Variants in YAE1 observed in about 807,000 individuals in gnomAD.
YAE1 encodes YAE1 maturation factor of ABCE1, also known as protein YAE1 homolog.
A neutral mutation model predicts 23.0 loss-of-function variants in YAE1; 22 were observed. The observed-to-expected ratio is 0.96, with a 90% CI of 0.68 to 1.37. YAE1 has a LOEUF of 1.37. YAE1 is among the 40% of genes most tolerant of loss of function. The pLI is 0.00. For missense variants in YAE1, 260 were observed against 262.1 expected, an observed-to-expected ratio of 0.99 and a Z score of 0.06; for synonymous variants, 101 against 97.0, an observed-to-expected ratio of 1.04 and a Z score of -0.24.
intron 2 of YAE1, chr7:39,609,587 C>A (rs1225053604): frequency 2.0e-6 from 3 of 1,521,768 alleles, no homozygotes; most frequent in Non-Finnish European, 2.6e-6. Flanking sequence ...AGAGCCAAAT[C>A]TCTGTCTATC....
chr7:39,608,493 CAA>C (rs1791161161), intron 2 of YAE1, among the ~76,000 whole-genome samples: 1 of 152,070 alleles, frequency 6.6e-6, no homozygotes, highest in East Asian at 1.9e-4. Context: ...GGGTAGAAAA[CAA>C]AGAGAGGAAG....
intron 2 of YAE1, among the ~76,000 whole-genome samples, chr7:39,588,980 A>C (rs1790862024): frequency 6.6e-6 from 1 of 151,478 alleles, no homozygotes; most frequent in Non-Finnish European, 1.5e-5. Flanking sequence ...GCATTACCAC[A>C]CCCGGATTAT....
intron 2 of YAE1, among the ~76,000 whole-genome samples, chr7:39,602,209 G>A (rs937789000): frequency 2.0e-5 from 3 of 152,200 alleles, no homozygotes; most frequent in African/African-American, 7.2e-5. Flanking sequence ...GGTTAGAGAT[G>A]CATTATTAAA....
intron 2 of YAE1, among the ~76,000 whole-genome samples, chr7:39,597,257 C>T (rs933045178): frequency 1.3e-5 from 2 of 152,174 alleles, no homozygotes; most frequent in African/African-American, 2.4e-5. Context: ...CTCTCAGAGT[C>T]TTGTGACTGA....
intron 2 of YAE1, among the ~76,000 whole-genome samples, chr7:39,580,890 CA>C (rs1790732704): frequency 6.6e-6 from 1 of 152,020 alleles, no homozygotes; most frequent in Non-Finnish European, 1.5e-5. Flanking sequence ...ACCTTTTTTC[CA>C]AAGCTCTGAG....
At chr7:39,584,693 G>A (rs1583675106) in intron 2 of YAE1, among the ~76,000 whole-genome samples, 1 of 152,062 alleles carries the variant, frequency 6.6e-6, no homozygotes, top group Non-Finnish European at 1.5e-5. Flanking sequence ...GTGGCAGTGG[G>A]CTGGACAGGA....
chr7:39,575,725 T>C (rs1021450631), downstream of YAE1, among the ~76,000 whole-genome samples: 2 of 152,220 alleles, frequency 1.3e-5, no homozygotes. Flanking sequence ...TGAACAAACA[T>C]GCTGGAGCAC....
intron 2 of YAE1, among the ~76,000 whole-genome samples, chr7:39,605,951 T>C (rs1476049923): frequency 6.6e-6 from 1 of 152,178 alleles, no homozygotes; most frequent in Non-Finnish European, 1.5e-5. Flanking sequence ...TGTTTTGTTT[T>C]GTTTTGTTTA....
chr7:39,575,594 G>A (rs1057191617), downstream of YAE1, among the ~76,000 whole-genome samples: 8 of 150,618 alleles, frequency 5.3e-5, no homozygotes, highest in African/African-American at 1.7e-4. Flanking sequence ...GTGTGTGTGT[G>A]TATAGAGAGT....
chr7:39,607,515 C>T (rs1393504107), intron 2 of YAE1, among the ~76,000 whole-genome samples: 2 of 152,214 alleles, frequency 1.3e-5, no homozygotes, highest in African/African-American at 4.8e-5. Flanking sequence ...CTACACCCTG[C>T]TCACACTGAT....
intron 1 of YAE1, among the ~76,000 whole-genome samples, chr7:39,567,836 T>C (rs1790498247): frequency 6.6e-6 from 1 of 152,204 alleles, no homozygotes; most frequent in Non-Finnish European, 1.5e-5. Flanking sequence ...ACAGAAATTG[T>C]CTACTACATA....
chr7:39,603,977 T>A (rs1791091737), intron 2 of YAE1, among the ~76,000 whole-genome samples: 1 of 152,214 alleles, frequency 6.6e-6, no homozygotes, highest in Admixed American at 6.5e-5. Flanking sequence ...TCAATTAAGA[T>A]GACTTTGGTT....
intron 2 of YAE1, among the ~76,000 whole-genome samples, chr7:39,571,466 AT>A (rs1277901357): frequency 6.6e-6 from 1 of 152,068 alleles, no homozygotes; most frequent in Non-Finnish European, 1.5e-5. Flanking sequence ...AGAAGAGTAG[AT>A]GATAAAAGTT....
At chr7:39,569,580 C>CA in intron 1 of YAE1, 1 of 559,682 alleles carries the variant, frequency 1.8e-6, no homozygotes, top group Non-Finnish European at 3.5e-6. Context: ...TTCTGAAGGA[C>CA]AAAGGCAACC....
intron 2 of YAE1, among the ~76,000 whole-genome samples, chr7:39,586,876 A>G (rs560733807): frequency 2.6e-5 from 4 of 152,286 alleles, no homozygotes; most frequent in Admixed American, 6.5e-5. Context: ...TGGAGTACTT[A>G]TCTTACAGAT....
chr7:39,593,984 G>T (rs890780894), intron 2 of YAE1, among the ~76,000 whole-genome samples: 1 of 152,114 alleles, frequency 6.6e-6, no homozygotes, highest in Admixed American at 6.5e-5. Flanking sequence ...GTAATTTGGG[G>T]TTGTATCCTG....
At chr7:39,576,838 G>C (rs1790662675), downstream of YAE1, among the ~76,000 whole-genome samples, 1 of 152,156 alleles carries the variant, frequency 6.6e-6, no homozygotes, top group Admixed American at 6.5e-5. Flanking sequence ...AATATAACCA[G>C]AACAGGAGAA....
intron 2 of YAE1, among the ~76,000 whole-genome samples, chr7:39,598,668 T>C (rs903207044): frequency 6.6e-6 from 1 of 151,516 alleles, no homozygotes; most frequent in African/African-American, 2.4e-5. Context: ...TCCCAGCTAC[T>C]TGTGGGGCTA....
intron 2 of YAE1, among the ~76,000 whole-genome samples, chr7:39,589,883 C>G (rs1001403089): frequency 1.5e-4 from 23 of 152,154 alleles, no homozygotes; most frequent in Non-Finnish European, 8.8e-5. Context: ...AGGCGGTAGA[C>G]AGATGATAAG....
Sources: gnomAD v4.1 joint callset for allele counts (sites outside exome capture counted in the v4.1 genomes callset) on GRCh38, gnomAD v4.1.1 for gene constraint, MANE v1.5 for transcripts, NCBI Gene and HGNC (gene_info 2026-07-23, HGNC 2026-07-21) for gene names.